The following COX7B2 variants were observed in gnomAD, a reference collection of about 807,000 sequenced individuals.
The protein encoded by COX7B2 is cytochrome c oxidase subunit 7B2, mitochondrial.
For synonymous variants in COX7B2, 37 were observed against 32.1 expected, an observed-to-expected ratio of 1.15 and a Z score of -0.51; for missense variants, 109 against 95.9, an observed-to-expected ratio of 1.14 and a Z score of -0.57.
chr4:46,739,384 G>T (rs1044551314), intron 2 of COX7B2, among the ~76,000 whole-genome samples: 4 of 152,004 alleles, frequency 2.6e-5, no homozygotes, highest in African/African-American at 9.7e-5. Flanking sequence ...CTGGTTACCA[G>T]AGATGGCTCT....
intron 2 of COX7B2, among the ~76,000 whole-genome samples, chr4:46,795,592 G>T (rs1439843328): frequency 3.8e-5 from 5 of 132,512 alleles, no homozygotes; most frequent in Non-Finnish European, 7.8e-5. Flanking sequence ...ATGCTGTTTT[G>T]GTTACTGTAG....
At chr4:46,896,812 GAGA>G (rs369808840) in intron 1 of COX7B2, among the ~76,000 whole-genome samples, 106 of 152,318 alleles carry the variant, frequency 7.0e-4, no homozygotes, top group African/African-American at 2.4e-3. Context: ...AAAACTGAAA[GAGA>G]AGGAGAATGT....
intron 1 of COX7B2, among the ~76,000 whole-genome samples, chr4:46,889,992 T>C (rs1021042397): frequency 1.3e-5 from 2 of 151,832 alleles, no homozygotes; most frequent in African/African-American, 4.8e-5. Context: ...AAAAGAAATA[T>C]ATGCCAGCAT....
chr4:46,796,462 G>A (rs1454045343), intron 2 of COX7B2, among the ~76,000 whole-genome samples: 10 of 129,772 alleles, frequency 7.7e-5, no homozygotes, highest in South Asian at 2.6e-4. Context: ...GAGAGGATGC[G>A]GAGAAATAGG....
intron 2 of COX7B2, among the ~76,000 whole-genome samples, chr4:46,752,404 C>A (rs530677334): frequency 6.6e-6 from 1 of 152,030 alleles, no homozygotes; most frequent in African/African-American, 2.4e-5. Context: ...ATTGAATACT[C>A]TTTATTTCTT....
Position 46,884,176 on chromosome 4 carries a change from GT to G in COX7B2, c.-105+24983del, listed in dbSNP as rs1418058985. 7.5e-5 allele frequency among the ~76,000 whole-genome samples: 11 copies of G among 147,388 alleles called. No individual in the cohort carries two copies. The East Asian group carries it at 1.1e-3, about 14-fold the overall frequency. On this transcript the variant is annotated intron_variant, in intron 1 of 2. Transcript: ENST00000355591. ...TATCTAATTATGTGTGAGGGGGCCA[GT>G]TGGGGGGTGGTGGTGGTGTTTGTTT... is the stretch of plus-strand genomic sequence containing the variant.
At chr4:46,856,736 T>G (rs562900107) in intron 1 of COX7B2, among the ~76,000 whole-genome samples, 1 of 152,322 alleles carries the variant, frequency 6.6e-6, no homozygotes, top group East Asian at 1.9e-4. Context: ...GAGGTATTTT[T>G]GGTTTGTTTT....
intron 1 of COX7B2, among the ~76,000 whole-genome samples, chr4:46,869,434 T>A (rs771958912): frequency 8.5e-5 from 13 of 152,134 alleles, no homozygotes; most frequent in Admixed American, 7.9e-4. Context: ...AGTTATTATG[T>A]TGGCTTATTT....
intron 2 of COX7B2, among the ~76,000 whole-genome samples, chr4:46,788,672 T>G (rs73813594): frequency 0.034 from 5,104 of 152,278 alleles, 216 homozygotes; most frequent in African/African-American, 0.1. Flanking sequence ...ATTTATGTAT[T>G]TGTATATATA....
chr4:46,847,084 T>C (rs1391807502), intron 1 of COX7B2, among the ~76,000 whole-genome samples: 1 of 152,034 alleles, frequency 6.6e-6, no homozygotes, highest in East Asian at 1.9e-4. Flanking sequence ...CGTTGAGATG[T>C]AAGAAGAAAT....
chr4:46,755,331 A>G (rs1303027879), intron 2 of COX7B2, among the ~76,000 whole-genome samples: 1 of 152,058 alleles, frequency 6.6e-6, no homozygotes, highest in African/African-American at 2.4e-5. Flanking sequence ...CACAGCCAAC[A>G]TCATGCTTAA....
intron 2 of COX7B2, among the ~76,000 whole-genome samples, chr4:46,794,553 C>G (rs139214516): frequency 6.6e-6 from 1 of 152,090 alleles, no homozygotes; most frequent in South Asian, 2.1e-4. Flanking sequence ...AGGGGAGCCC[C>G]AGCATCCTTA....
rs114634648 is a variant in COX7B2 at position 46,851,052 on chromosome 4, G to A, written c.-104-6038C>T. Reference sequence around the variant, plus strand: ...AGGCATAAAGAAAGAGGTAATGCAAGTTACCGGGGAACAAAGGCTTAGAGA... The same window carrying A: ...AGGCATAAAGAAAGAGGTAATGCAAATTACCGGGGAACAAAGGCTTAGAGA... On this transcript the variant is annotated intron_variant, in intron 1 of 2. Coordinates refer to ENST00000355591, the MANE Select transcript of COX7B2 (RefSeq NM_130902.3). 4.5e-3 allele frequency among the ~76,000 whole-genome samples: 680 copies of A among 152,178 alleles called. 7 individuals are homozygous for A. The highest frequency in any genetic ancestry group is 0.016 in the African/African-American group (659 of 41,542).
intron 2 of COX7B2, among the ~76,000 whole-genome samples, chr4:46,829,669 C>A (rs931001607): frequency 6.6e-6 from 1 of 152,072 alleles, no homozygotes; most frequent in African/African-American, 2.4e-5. Context: ...GTGAAAGAAG[C>A]AACATTTGAA....
intron 2 of COX7B2, among the ~76,000 whole-genome samples, chr4:46,788,770 T>C (rs1288094232): frequency 6.6e-6 from 1 of 152,100 alleles, no homozygotes; most frequent in Non-Finnish European, 1.5e-5. Flanking sequence ...TGAAATGCTA[T>C]AGGAAAAAAA....
At chr4:46,836,386 A>T (rs1577635225) in intron 2 of COX7B2, among the ~76,000 whole-genome samples, 1 of 152,098 alleles carries the variant, frequency 6.6e-6, no homozygotes, top group East Asian at 1.9e-4. Flanking sequence ...AGTAGTTAAA[A>T]TCTAAAATGC....
At chr4:46,800,448 A>G (rs913576045) in intron 2 of COX7B2, among the ~76,000 whole-genome samples, 2 of 151,644 alleles carry the variant, frequency 1.3e-5, no homozygotes, top group African/African-American at 4.8e-5. Context: ...AGACGACCAC[A>G]CAAAAAGAAC....
intron 2 of COX7B2, among the ~76,000 whole-genome samples, chr4:46,739,344 CA>C (rs1714565366): frequency 6.9e-6 from 1 of 144,746 alleles, no homozygotes; most frequent in African/African-American, 2.8e-5. Context: ...CAAACCAAAC[CA>C]AAACAAAACA....
rs113148039 is a variant in COX7B2, at chr4:46,852,563, T to TACACACACACAC, written c.-104-7561_-104-7550dup. On this transcript the variant is annotated intron_variant, in intron 1 of 2. Transcript: ENST00000355591. ...GGTTATATAAATATGAATACACAAA[T>TACACACACACAC]ACACACACACACACACACACACACA... Among the ~76,000 whole-genome samples, 866 of 145,776 alleles carry TACACACACACAC rather than the reference T, an allele frequency of 5.9e-3. 11 individuals are homozygous for TACACACACACAC. Among genetic ancestry groups the TACACACACACAC allele is most frequent in the African/African-American group, 0.021 (827 of 40,086 alleles).
Sources: allele counts gnomAD v4.1 joint callset (sites outside exome capture counted in the v4.1 genomes callset), GRCh38; gene constraint gnomAD v4.1.1; transcripts MANE v1.5; gene names NCBI Gene and HGNC (gene_info 2026-07-23, HGNC 2026-07-21).